CPNE8: variants seen among roughly 807,000 people sequenced by gnomAD.
CPNE8 encodes copine-8.
Under a neutral mutation model 81.5 loss-of-function variants are expected in CPNE8, and 45 were observed. The observed-to-expected ratio is 0.55, with a 90% CI of 0.44 to 0.71. The LOEUF is 0.71. CPNE8 is among the 30% of genes least tolerant of loss of function. The pLI is 0.00. For synonymous variants in CPNE8, 252 were observed against 226.3 expected (o/e 1.11, Z -1.02); for missense variants, 594 against 672.1 (o/e 0.88, Z 1.28).
At chr12:38,685,254 T>C (rs1187694390) in intron 16 of CPNE8, among the ~76,000 whole-genome samples, 2 of 152,238 alleles carry the variant, frequency 1.3e-5, no homozygotes, top group Admixed American at 1.3e-4. Flanking sequence ...TGAACAAAGA[T>C]AGTTCCTAAC....
At position 38,653,885 on chromosome 12, in the gene CPNE8, T is replaced by TA. The variant is rs750771238; in HGVS notation, c.1691dup (p.Ter565MetfsTer5). 3 of 1,611,868 alleles carry TA rather than the reference T, an allele frequency of 1.9e-6. No individual in the cohort carries two copies. The highest frequency in any genetic ancestry group is 2.5e-6 in the Non-Finnish European group (3 of 1,179,450). ...ACATTAGCATTTCAGAGCACAGTCA[T>TA]ATTTGAGTCTGTAACACATGTGTAG... On this transcript the variant is annotated frameshift_variant, in exon 20 of 20. Transcript: ENST00000331366. LOFTEE classifies it high-confidence loss of function.
At chr12:38,832,586 C>T (rs1943305931) in intron 5 of CPNE8, among the ~76,000 whole-genome samples, 1 of 152,158 alleles carries the variant, frequency 6.6e-6, no homozygotes, top group Admixed American at 6.5e-5. Flanking sequence ...TAGAAGACCT[C>T]GGCCTGTTGC....
chr12:38,873,129 G>T, intron 2 of CPNE8, 79 bp from the exon 3 acceptor site: 1 of 884,650 alleles, frequency 1.1e-6, no homozygotes, highest in Non-Finnish European at 1.8e-6. Context: ...TTATTTTTCA[G>T]CTGTTCAAAA....
chr12:38,875,146 A>G (rs183168014), intron 1 of CPNE8, among the ~76,000 whole-genome samples: 1 of 152,304 alleles, frequency 6.6e-6, no homozygotes, highest in East Asian at 1.9e-4. Flanking sequence ...TAGAATAACA[A>G]TGGAAAATCA....
At chr12:38,904,341 T>C (rs1944531376) in intron 1 of CPNE8, among the ~76,000 whole-genome samples, 1 of 152,182 alleles carries the variant, frequency 6.6e-6, no homozygotes, top group African/African-American at 2.4e-5. Context: ...CCATCGCTCA[T>C]CTCCTTCTCA....
intron 17 of CPNE8, 95 bp downstream of exon 17, chr12:38,677,355 ATT>A: frequency 1.4e-6 from 1 of 700,560 alleles, no homozygotes; most frequent in East Asian, 2.7e-5. Context: ...AGGTGTGGTG[ATT>A]TTATTTTATT....
At chr12:38,740,198 TTGTC>T (rs1565592350) in intron 10 of CPNE8, among the ~76,000 whole-genome samples, 1 of 152,180 alleles carries the variant, frequency 6.6e-6, no homozygotes. Context: ...GGCTCTCTGT[TTGTC>T]TGTTATTGGT....
chr12:38,897,382 G>A (rs1356211651), intron 1 of CPNE8, among the ~76,000 whole-genome samples: 1 of 152,026 alleles, frequency 6.6e-6, no homozygotes, highest in Non-Finnish European at 1.5e-5. Context: ...AACCAGAGAT[G>A]TTAGATGTTT....
chr12:38,777,564 CT>C (rs1238879832), intron 6 of CPNE8, among the ~76,000 whole-genome samples: 1 of 152,126 alleles, frequency 6.6e-6, no homozygotes, highest in East Asian at 1.9e-4. Context: ...TCACCACTCA[CT>C]TAGACTCACC....
intron 11 of CPNE8, among the ~76,000 whole-genome samples, chr12:38,726,104 C>T (rs1168377723): frequency 1.3e-5 from 2 of 152,082 alleles, no homozygotes; most frequent in Admixed American, 1.3e-4. Context: ...TAAAAGTCCA[C>T]AGGCCTGTAC....
In CPNE8 at chr12:38,693,823, G is replaced by T. The variant is rs1397992695; in HGVS notation, c.977C>A (p.Pro326His). 4 of 1,608,140 alleles carry T rather than the reference G, an allele frequency of 2.5e-6. No homozygotes were observed. Among genetic ancestry groups the T allele is most frequent in the Non-Finnish European group, 3.4e-6 (4 of 1,177,472 alleles). Residue 326 changes from proline to histidine, a missense_variant, in exon 15 of 20, where the codon CCC becomes CAC. Transcript: ENST00000331366. ...FTASNGNPAQ[P>H]TSLHYMNPYQ... ...AGGATTCATGTAGTGGAGGGAAGTG[G>T]GCTGAGCAGGGTTGCCTGATGACAG...
At chr12:38,794,007 T>C (rs1235374849) in intron 6 of CPNE8, among the ~76,000 whole-genome samples, 1 of 152,052 alleles carries the variant, frequency 6.6e-6, no homozygotes, top group Non-Finnish European at 1.5e-5. Flanking sequence ...GGGAAAACTA[T>C]CCACATGCAA....
intron 3 of CPNE8, among the ~76,000 whole-genome samples, chr12:38,849,455 C>T (rs1943609465): frequency 1.3e-5 from 2 of 152,188 alleles, no homozygotes; most frequent in Non-Finnish European, 2.9e-5. Context: ...ATTTTAACTT[C>T]AGTTCTGAGC....
At chr12:38,823,316 T>C (rs57214572) in intron 6 of CPNE8, among the ~76,000 whole-genome samples, 6,078 of 151,674 alleles carry the variant, frequency 0.04, 391 homozygotes, top group African/African-American at 0.14. Context: ...TAAGTCACAA[T>C]TGAGATCCCC....
intron 18 of CPNE8, among the ~76,000 whole-genome samples, chr12:38,674,129 T>G (rs1046869579): frequency 8.6e-5 from 13 of 152,030 alleles, no homozygotes; most frequent in African/African-American, 3.1e-4. Context: ...TGCTGGGAAC[T>G]AAAGAAACGA....
intron 8 of CPNE8, among the ~76,000 whole-genome samples, chr12:38,767,029 A>T (rs1348068990): frequency 3.9e-5 from 6 of 152,110 alleles, no homozygotes; most frequent in African/African-American, 1.4e-4. Flanking sequence ...AATTAGCCAT[A>T]TTATTAACAA....
chr12:38,870,643 C>T (rs906167286), intron 3 of CPNE8, among the ~76,000 whole-genome samples: 2 of 151,680 alleles, frequency 1.3e-5, no homozygotes, highest in Non-Finnish European at 1.5e-5. Context: ...GGCCTGTCGG[C>T]GGGTGGGGGG....
At chr12:38,816,372 C>T (rs1186954406) in intron 6 of CPNE8, among the ~76,000 whole-genome samples, 2 of 152,044 alleles carry the variant, frequency 1.3e-5, no homozygotes, top group African/African-American at 2.4e-5. Flanking sequence ...TACAATTGTT[C>T]TATAAAGAAA....
chr12:38,844,362 T>C (rs1204373625), intron 4 of CPNE8, among the ~76,000 whole-genome samples: 3 of 152,192 alleles, frequency 2.0e-5, no homozygotes, highest in East Asian at 1.9e-4. Context: ...CTACCAATAA[T>C]AAAGTTTTCA....
Sources: gnomAD v4.1 joint callset for allele counts (sites outside exome capture counted in the v4.1 genomes callset) on GRCh38, gnomAD v4.1.1 for gene constraint, MANE v1.5 for transcripts, NCBI Gene and HGNC (gene_info 2026-07-23, HGNC 2026-07-21) for gene names.